Variants in GASK1A observed in about 807,000 individuals in gnomAD.
GASK1A encodes Golgi-associated kinase 1A.
A neutral mutation model predicts 41.2 loss-of-function variants in GASK1A; 40 were observed. That is an observed-to-expected ratio of 0.97 (90% confidence interval 0.75 to 1.27). The LOEUF (loss-of-function observed/expected upper bound fraction) is 1.27, where lower values mean the gene tolerates loss of function less well. GASK1A is among the 50% of genes most tolerant of loss of function. The pLI, the probability that GASK1A is intolerant of heterozygous loss-of-function variation, is 0.00. For missense variants in GASK1A, 678 were observed against 745.1 expected, an observed-to-expected ratio of 0.91 and a Z score of 1.05; for synonymous variants, 316 against 307.1, an observed-to-expected ratio of 1.03 and a Z score of -0.30.
At chr3:43,018,128 T>C (rs1268308246) in intron 1 of GASK1A, among the ~76,000 whole-genome samples, 3 of 152,172 alleles carry the variant, frequency 2.0e-5, no homozygotes, top group Admixed American at 2.0e-4. Flanking sequence ...AAATCCCAGA[T>C]TTCTTCCCCA....
intron 2 of GASK1A, among the ~76,000 whole-genome samples, chr3:43,039,812 T>C (rs1236608950): frequency 6.6e-6 from 1 of 152,156 alleles, no homozygotes; most frequent in Non-Finnish European, 1.5e-5. Flanking sequence ...CCTGAGTTAG[T>C]TTGCTTAGGA....
At chr3:43,054,951 G>A (rs566763248) in intron 3 of GASK1A, among the ~76,000 whole-genome samples, 50 of 152,260 alleles carry the variant, frequency 3.3e-4, no homozygotes, top group Non-Finnish European at 4.3e-4. Context: ...GCACATGTGC[G>A]ATGCCCCTCA....
intron 1 of GASK1A, among the ~76,000 whole-genome samples, chr3:42,993,465 C>T (rs926435799): frequency 1.3e-5 from 2 of 152,166 alleles, no homozygotes; most frequent in Non-Finnish European, 2.9e-5. Flanking sequence ...TTATATCACA[C>T]GTTTGTTTTT....
At chr3:42,998,845 G>C (rs1258712911) in intron 1 of GASK1A, among the ~76,000 whole-genome samples, 1 of 152,194 alleles carries the variant, frequency 6.6e-6, no homozygotes, top group Non-Finnish European at 1.5e-5. Flanking sequence ...GTGGCTACTA[G>C]TGATGCCTAG....
intron 1 of GASK1A, among the ~76,000 whole-genome samples, chr3:42,995,495 C>G (rs2089364348): frequency 6.6e-6 from 1 of 152,186 alleles, no homozygotes; most frequent in Non-Finnish European, 1.5e-5. Context: ...ATTTAAAACA[C>G]TACAAGCCAA....
At chr3:43,009,171 G>A (rs962268801) in intron 1 of GASK1A, among the ~76,000 whole-genome samples, 1 of 152,130 alleles carries the variant, frequency 6.6e-6, no homozygotes, top group Non-Finnish European at 1.5e-5. Flanking sequence ...GGCAAAGCTG[G>A]GGGGTTGGAC....
chr3:43,050,856 G>A (rs191003664), intron 2 of GASK1A, among the ~76,000 whole-genome samples: 1 of 151,930 alleles, frequency 6.6e-6, no homozygotes, highest in African/African-American at 2.4e-5. Flanking sequence ...ATTTATATTT[G>A]GTTTCTCTTT....
At chr3:43,010,447 T>C (rs1232550559) in intron 1 of GASK1A, among the ~76,000 whole-genome samples, 1 of 152,208 alleles carries the variant, frequency 6.6e-6, no homozygotes, top group Non-Finnish European at 1.5e-5. Context: ...TGAAATACAG[T>C]AGAGTGGGCT....
chr3:43,005,431 C>T (rs778312812), intron 1 of GASK1A, among the ~76,000 whole-genome samples: 2 of 152,198 alleles, frequency 1.3e-5, no homozygotes, highest in African/African-American at 4.8e-5. Context: ...TGTGGCATCT[C>T]GCTCTGTCCT....
chr3:43,028,663 G>A lies in GASK1A; in HGVS notation c.4-3604G>A, dbSNP rs527249966. On this transcript the variant is annotated intron_variant, in intron 1 of 4. Coordinates refer to ENST00000430121, the MANE Select transcript of GASK1A (RefSeq NM_001129908.3). ...CCCCAGAGCAAGTTTAAGAACCATT[G>A]TTCTGTCCCATCTCTGGTAAGCAGG... Among the ~76,000 whole-genome samples, 123 of 152,294 alleles carry A rather than the reference G, an allele frequency of 8.1e-4. 1 individual carries two copies. The highest frequency in any genetic ancestry group is 2.8e-3 in the African/African-American group (117 of 41,562).
At chr3:43,008,743 C>G (rs981765252) in intron 1 of GASK1A, among the ~76,000 whole-genome samples, 2 of 152,158 alleles carry the variant, frequency 1.3e-5, no homozygotes, top group African/African-American at 2.4e-5. Flanking sequence ...TTAGGAGCAG[C>G]AGAGCAGGGA....
chr3:43,014,443 G>A (rs530959152), intron 1 of GASK1A, among the ~76,000 whole-genome samples: 1 of 151,722 alleles, frequency 6.6e-6, no homozygotes, highest in East Asian at 2.0e-4. Context: ...AAGGGGCAGT[G>A]TGACGTCACA....
intron 2 of GASK1A, among the ~76,000 whole-genome samples, chr3:43,042,120 C>T (rs907581158): frequency 5.9e-5 from 9 of 152,100 alleles, no homozygotes; most frequent in Admixed American, 5.9e-4. Flanking sequence ...CACCATTAAA[C>T]ACCATGCTGG....
chr3:43,046,189 G>A (rs891759194), intron 2 of GASK1A, among the ~76,000 whole-genome samples: 1 of 152,174 alleles, frequency 6.6e-6, no homozygotes, highest in Non-Finnish European at 1.5e-5. Context: ...GGGAGATGTG[G>A]GAAAGTTTGG....
intron 1 of GASK1A, among the ~76,000 whole-genome samples, chr3:42,990,469 G>A (rs1263124453): frequency 6.6e-6 from 1 of 152,120 alleles, no homozygotes; most frequent in East Asian, 1.9e-4. Flanking sequence ...TGTGGTGGAA[G>A]AAGGGAGGAC....
intron 1 of GASK1A, among the ~76,000 whole-genome samples, chr3:43,026,669 C>G (rs1306662675): frequency 6.6e-6 from 1 of 151,738 alleles, no homozygotes; most frequent in Admixed American, 6.6e-5. Flanking sequence ...TTAGGTAAAA[C>G]ACAGTAAGTC....
At chr3:43,037,208 G>A (rs533846371) in intron 2 of GASK1A, 383 of 1,133,206 alleles carry the variant, frequency 3.4e-4, no homozygotes, top group Non-Finnish European at 4.6e-4. Flanking sequence ...CTGGGGGATC[G>A]AAGTCCTCTG....
intron 2 of GASK1A, among the ~76,000 whole-genome samples, chr3:43,035,652 C>T (rs940472048): frequency 6.6e-6 from 1 of 152,188 alleles, no homozygotes; most frequent in Non-Finnish European, 1.5e-5. Flanking sequence ...TCCCAGCCTT[C>T]GTCAGATAAT....
At chr3:43,034,311 T>G (rs1245363379) in intron 2 of GASK1A, among the ~76,000 whole-genome samples, 1 of 152,148 alleles carries the variant, frequency 6.6e-6, no homozygotes, top group Non-Finnish European at 1.5e-5. Flanking sequence ...GAGTTAACCC[T>G]GGAGTTGCTG....
Sources: allele counts gnomAD v4.1 joint callset (sites outside exome capture counted in the v4.1 genomes callset), GRCh38; gene constraint gnomAD v4.1.1; transcripts MANE v1.5; gene names NCBI Gene and HGNC (gene_info 2026-07-23, HGNC 2026-07-21).